The following ZFYVE9 variants were observed in gnomAD, a reference collection of about 807,000 sequenced individuals.
ZFYVE9 encodes zinc finger FYVE domain-containing protein 9.
Under a neutral mutation model 126.7 loss-of-function variants are expected in ZFYVE9, and 43 were observed. That is an observed-to-expected ratio of 0.34 (90% confidence interval 0.27 to 0.44). The LOEUF is 0.44. Among genes scored for constraint, ZFYVE9 ranks in the 20% least tolerant of loss-of-function variants. The pLI is 1.00. For synonymous variants in ZFYVE9, 521 were observed against 597.4 expected (o/e 0.87, Z 1.87); for missense variants, 1,476 against 1,697.0 (o/e 0.87, Z 2.29).
At chr1:52,343,927 C>T (rs957134299) in intron 17 of ZFYVE9, among the ~76,000 whole-genome samples, 1 of 152,062 alleles carries the variant, frequency 6.6e-6, no homozygotes, top group African/African-American at 2.4e-5. Context: ...CAAAAATTAG[C>T]CAGGCATGGC....
chr1:52,287,304 G>A (rs1645871212), intron 10 of ZFYVE9, among the ~76,000 whole-genome samples: 1 of 152,056 alleles, frequency 6.6e-6, no homozygotes, highest in Non-Finnish European at 1.5e-5. Flanking sequence ...GTAGAGACGA[G>A]GTTTCACCAT....
intron 1 of ZFYVE9, among the ~76,000 whole-genome samples, chr1:52,195,035 C>T (rs1644847669): frequency 6.6e-6 from 1 of 152,026 alleles, no homozygotes; most frequent in Admixed American, 6.6e-5. Context: ...TTTTTAAAAT[C>T]CATGGTAGTA....
chr1:52,329,589 A>C (rs1319246366), intron 13 of ZFYVE9, among the ~76,000 whole-genome samples: 1 of 152,092 alleles, frequency 6.6e-6, no homozygotes, highest in Non-Finnish European at 1.5e-5. Context: ...TTCAGATCAT[A>C]TCTCTCATAA....
chr1:52,301,770 C>T (rs1328098342), intron 12 of ZFYVE9, among the ~76,000 whole-genome samples: 1 of 152,200 alleles, frequency 6.6e-6, no homozygotes, highest in East Asian at 1.9e-4. Context: ...ATCCCCTTCT[C>T]TCCCTGAAGG....
At chr1:52,194,528 A>G (rs1414924681) in intron 1 of ZFYVE9, among the ~76,000 whole-genome samples, 4 of 152,220 alleles carry the variant, frequency 2.6e-5, no homozygotes, top group Non-Finnish European at 4.4e-5. Context: ...AAAAATACAA[A>G]TTAGAAAATA....
At chr1:52,321,298 G>A (rs1302885429) in intron 13 of ZFYVE9, among the ~76,000 whole-genome samples, 2 of 152,138 alleles carry the variant, frequency 1.3e-5, no homozygotes, top group Non-Finnish European at 2.9e-5. Context: ...ATCTGTTTGA[G>A]GAATGTTTGA....
In ZFYVE9 at chr1:52,340,051, C is replaced by T. The variant is rs115654613; in HGVS notation, c.3834-75C>T. On this transcript the variant is annotated intron_variant, in intron 16 of 18. Transcript: ENST00000287727. The stretch of plus-strand genomic sequence containing the variant: ...AGTGTAATTAGCAGGAAGACTTCTG[C>T]AGCAAAACGTGATAGGAAAAATGGC... 6.7e-4 allele frequency: 816 copies of T among 1,215,522 alleles called. 7 individuals are homozygous for T. The African/African-American group carries it at 0.011, about 16-fold the overall frequency. The allele number at this position is 1,215,522 out of a possible 1,614,324, so 75.3% of individuals were successfully genotyped here. A position where few individuals can be genotyped will look rare whatever the true frequency, so the allele number is the denominator to read the frequency against.
At chr1:52,274,695 A>T (rs2147809696) in intron 8 of ZFYVE9, 111 bp downstream of exon 8, 2 of 1,198,090 alleles carry the variant, frequency 1.7e-6, no homozygotes, top group African/African-American at 3.1e-5. Context: ...TTATCCAACA[A>T]AACAAACTCC....
At chr1:52,222,592 G>A (rs571445187) in intron 2 of ZFYVE9, among the ~76,000 whole-genome samples, 1 of 152,338 alleles carries the variant, frequency 6.6e-6, no homozygotes, top group Admixed American at 6.5e-5. Context: ...GGGGCATACA[G>A]GGTTCAAGGA....
chr1:52,195,233 C>T (rs550733794), intron 1 of ZFYVE9, among the ~76,000 whole-genome samples: 2 of 152,204 alleles, frequency 1.3e-5, no homozygotes, highest in African/African-American at 4.8e-5. Flanking sequence ...GCATTTTTTA[C>T]ACTGAAAATA....
chr1:52,342,388 C>T lies in ZFYVE9; in HGVS notation c.3939+2157C>T, dbSNP rs548654348. Among the ~76,000 whole-genome samples, 3 of 150,636 alleles carry T rather than the reference C, an allele frequency of 2.0e-5. No individual in the cohort carries two copies. In the South Asian group the frequency reaches 6.4e-4, roughly 32 times the overall value. On this transcript the variant is annotated intron_variant, in intron 17 of 18. Coordinates refer to ENST00000287727, the MANE Select transcript of ZFYVE9 (RefSeq NM_004799.4). Reference sequence around the variant, plus strand: ...ACACACCATTCTCCTGCCTCAGCCTCCTGAGTAGCTGGGATTACAGGCGCC... The same window carrying T: ...ACACACCATTCTCCTGCCTCAGCCTTCTGAGTAGCTGGGATTACAGGCGCC...
At chr1:52,267,332 A>G (rs1645644353) in intron 6 of ZFYVE9, among the ~76,000 whole-genome samples, 2 of 152,232 alleles carry the variant, frequency 1.3e-5, no homozygotes, top group South Asian at 2.1e-4. Context: ...TAGACTTTAA[A>G]TCTAGAACTT....
At position 52,345,064 on chromosome 1, in the gene ZFYVE9, A is replaced by G. The variant is rs948955784; in HGVS notation, c.4116+120A>G. On this transcript the variant is annotated intron_variant, in intron 18 of 18. Transcript: ENST00000287727. ...CTCCGACCTTCTGGCCTGACTGGAT[A>G]TAGTGTTTTTGGCCCTCTCTTTAAT... The G allele has an allele frequency of 3.9e-5, 44 of 1,127,928 alleles. No homozygotes were observed. In the Middle Eastern group the frequency reaches 6.1e-4, roughly 16 times the overall value. 69.9% of individuals were successfully genotyped at this position (1,127,928 alleles called of 1,614,324 possible).
At chr1:52,278,708 T>A in intron 9 of ZFYVE9, 94 bp downstream of exon 9, 1 of 889,446 alleles carries the variant, frequency 1.1e-6, no homozygotes, top group African/African-American at 1.7e-5. Flanking sequence ...TATTTTTATA[T>A]AGAGCCACAT....
chr1:52,346,041 T>C lies in ZFYVE9; in HGVS notation c.4117-19T>C. The C allele has an allele frequency of 6.4e-7, 1 of 1,564,894 alleles. No individual in the cohort carries two copies. Among genetic ancestry groups the C allele is most frequent in the South Asian group, 1.2e-5 (1 of 86,804 alleles). ...TTCTCTGTTCAGTAACCTCTCCTCC[T>C]TTTCTCTCTGTGGTATAGGTTGGCT... is the stretch of plus-strand genomic sequence containing the variant. On this transcript the variant is annotated intron_variant, in intron 18 of 18. Coordinates refer to ENST00000287727, the MANE Select transcript of ZFYVE9 (RefSeq NM_004799.4).
chr1:52,237,230 G>C (rs917001367), intron 3 of ZFYVE9, among the ~76,000 whole-genome samples: 1 of 152,052 alleles, frequency 6.6e-6, no homozygotes, highest in African/African-American at 2.4e-5. Context: ...CCATTCACCT[G>C]TGGGTCAGTT....
chr1:52,302,923 A>G (rs974114236), intron 12 of ZFYVE9, among the ~76,000 whole-genome samples: 1 of 152,180 alleles, frequency 6.6e-6, no homozygotes, highest in Non-Finnish European at 1.5e-5. Flanking sequence ...CAGTCTGGCC[A>G]ACATGGTGAA....
rs771108873 is a variant in ZFYVE9, at chr1:52,332,911, C to T, written c.3582C>T (p.Pro1194=). The stretch of plus-strand genomic sequence containing the variant: ...AGGCTATCAGTATTCACAATCAGCC[C>T]AGAAAAGGTGAGCATTTGAGCTGGT... The part of the protein sequence containing the change: ...QTQAISIHNQ[P]RKVTGASFFV... The change falls in exon 14 of 19, where the codon CCC becomes CCT. Residue 1194 remains proline (P), a synonymous_variant. Transcript: ENST00000287727. The T allele has an allele frequency of 9.3e-6, 15 of 1,613,936 alleles. No homozygotes were observed. Among genetic ancestry groups the T allele is most frequent in the Non-Finnish European group, 1.3e-5 (15 of 1,179,964 alleles).
intron 1 of ZFYVE9, among the ~76,000 whole-genome samples, chr1:52,181,444 T>C (rs1272657979): frequency 6.6e-6 from 1 of 152,140 alleles, no homozygotes; most frequent in Non-Finnish European, 1.5e-5. Flanking sequence ...AATCTCCACC[T>C]CCCAGCCGCC....
Sources: gnomAD v4.1 joint callset for allele counts (sites outside exome capture counted in the v4.1 genomes callset) on GRCh38, gnomAD v4.1.1 for gene constraint, MANE v1.5 for transcripts, NCBI Gene and HGNC (gene_info 2026-07-23, HGNC 2026-07-21) for gene names.